ZHX2: variants seen among roughly 807,000 people sequenced by gnomAD.
The protein encoded by ZHX2 is zinc fingers and homeoboxes protein 2.
In ZHX2, 6 loss-of-function variants were observed where a neutral mutation model predicts 21.9. The ratio of observed to expected loss-of-function variants is 0.27; its 90% CI spans 0.15 to 0.54. The LOEUF is 0.54. Ranked by LOEUF, ZHX2 falls within the 20% of genes least tolerant of loss-of-function variation. The pLI, the probability that ZHX2 is intolerant of heterozygous loss-of-function variation, is 0.95. For synonymous variants in ZHX2, 434 were observed against 437.1 expected, an observed-to-expected ratio of 0.99 and a Z score of 0.09; for missense variants, 908 against 1,090.7, an observed-to-expected ratio of 0.83 and a Z score of 2.36.
chr8:122,825,694 T>C (rs182255564), intron 1 of ZHX2, among the ~76,000 whole-genome samples: 2 of 152,284 alleles, frequency 1.3e-5, no homozygotes, highest in Admixed American at 1.3e-4. Context: ...AAAATGGCTA[T>C]AATATTTGGT....
intron 2 of ZHX2, among the ~76,000 whole-genome samples, chr8:122,941,732 C>A (rs1012545718): frequency 6.6e-6 from 1 of 151,966 alleles, no homozygotes; most frequent in Non-Finnish European, 1.5e-5. Flanking sequence ...TCAGCCCAAC[C>A]AGTTCTGAAT....
chr8:122,787,924 C>T (rs1217907186), intron 1 of ZHX2, among the ~76,000 whole-genome samples: 1 of 152,178 alleles, frequency 6.6e-6, no homozygotes, highest in Non-Finnish European at 1.5e-5. Context: ...GCAGAGGTGA[C>T]CGTTTAAACC....
chr8:122,785,363 T>A (rs1051009152), intron 1 of ZHX2, among the ~76,000 whole-genome samples: 3 of 152,200 alleles, frequency 2.0e-5, no homozygotes, highest in Non-Finnish European at 2.9e-5. Flanking sequence ...CCAGACTACT[T>A]CTTTCTACAC....
chr8:122,811,393 A>G (rs1563738391), intron 1 of ZHX2, among the ~76,000 whole-genome samples: 1 of 152,160 alleles, frequency 6.6e-6, no homozygotes, highest in Non-Finnish European at 1.5e-5. Flanking sequence ...AAAATAATAA[A>G]ATAAAATAAA....
chr8:122,958,180 T>C (rs747722264), intron 3 of ZHX2, among the ~76,000 whole-genome samples: 1 of 152,194 alleles, frequency 6.6e-6, no homozygotes, highest in African/African-American at 2.4e-5. Context: ...ACCAAATCTC[T>C]CTAACCTCTG....
intron 1 of ZHX2, among the ~76,000 whole-genome samples, chr8:122,809,756 A>G (rs1489591858): frequency 6.6e-6 from 1 of 152,116 alleles, no homozygotes; most frequent in Non-Finnish European, 1.5e-5. Flanking sequence ...GTGAGTTCGA[A>G]TCATGGCTTT....
intron 1 of ZHX2, among the ~76,000 whole-genome samples, chr8:122,798,279 A>G (rs866150564): frequency 6.6e-6 from 1 of 152,190 alleles, no homozygotes; most frequent in Non-Finnish European, 1.5e-5. Context: ...AGCCCCTACT[A>G]TGTGTCAGGC....
intron 2 of ZHX2, among the ~76,000 whole-genome samples, chr8:122,921,735 T>C (rs1329201298): frequency 1.3e-5 from 2 of 152,114 alleles, no homozygotes; most frequent in Non-Finnish European, 1.5e-5. Context: ...GTGATAGATA[T>C]ATCAACTCAA....
In ZHX2 at chr8:122,953,799, G is replaced by A. The variant is rs1343824089; in HGVS notation, c.2289G>A (p.Lys763=). ...CAGCAAAAGACTGTTTGCCAGCAAA[G>A]CCCTCAGAGGCCACCTCAGACCGGT... The part of the protein sequence containing the change: ...SEPAKDCLPA[K]PSEATSDRSE... Residue 763 remains lysine, a synonymous_variant, in exon 3 of 4, where the codon AAG becomes AAA. Transcript: ENST00000314393. This position sits in a 1 kb window ranked among gnomAD's most constrained non-coding sequence, Gnocchi z 4.6. 2 of 1,614,268 alleles carry A rather than the reference G, an allele frequency of 1.2e-6. No individual in the cohort carries two copies. Among genetic ancestry groups the A allele is most frequent in the Admixed American group, 1.7e-5 (1 of 60,036 alleles).
At chr8:122,792,216 A>G (rs564741940) in intron 1 of ZHX2, among the ~76,000 whole-genome samples, 167 of 152,288 alleles carry the variant, frequency 1.1e-3, no homozygotes, top group African/African-American at 3.2e-3. Flanking sequence ...CCTTTTCTGC[A>G]CATTTTATAT....
At chr8:122,914,668 G>GA (rs1740255763) in intron 2 of ZHX2, among the ~76,000 whole-genome samples, 1 of 152,254 alleles carries the variant, frequency 6.6e-6, no homozygotes, top group Admixed American at 6.5e-5. Flanking sequence ...TTCAACAGTG[G>GA]ACTTCTATTT....
intron 2 of ZHX2, among the ~76,000 whole-genome samples, chr8:122,881,055 A>ACGCC (rs1442489314): frequency 1.3e-5 from 2 of 152,178 alleles, no homozygotes; most frequent in Admixed American, 1.3e-4. Flanking sequence ...CACTTGATTA[A>ACGCC]CGCCCATTGA....
At chr8:122,955,384 C>A (rs1813273842) in intron 3 of ZHX2, among the ~76,000 whole-genome samples, 1 of 152,118 alleles carries the variant, frequency 6.6e-6, no homozygotes, top group Admixed American at 6.5e-5. Context: ...AAGGTAAGAA[C>A]CTCCAGAATG....
intron 1 of ZHX2, among the ~76,000 whole-genome samples, chr8:122,803,144 A>T (rs1011361169): frequency 7.9e-5 from 12 of 152,084 alleles, no homozygotes; most frequent in Admixed American, 2.0e-4. Flanking sequence ...TGGGGACTCA[A>T]GTGAAAGCAG....
chr8:122,939,226 T>G (rs2130194734), intron 2 of ZHX2, among the ~76,000 whole-genome samples: 1 of 152,316 alleles, frequency 6.6e-6, no homozygotes, highest in African/African-American at 2.4e-5. Context: ...ATGGAAAGGC[T>G]GAGGCTTCAA....
chr8:122,877,051 C>T (rs186088432), intron 2 of ZHX2, among the ~76,000 whole-genome samples: 224 of 152,196 alleles, frequency 1.5e-3, no homozygotes, highest in Admixed American at 3.3e-3. Flanking sequence ...AGGACACATC[C>T]GAGATCCCCA....
intron 2 of ZHX2, among the ~76,000 whole-genome samples, chr8:122,944,129 GCCCT>G (rs1410037015): frequency 1.3e-5 from 2 of 152,120 alleles, no homozygotes; most frequent in Non-Finnish European, 2.9e-5. Flanking sequence ...CCCCTTTGAA[GCCCT>G]GCTTATCCAG....
At chr8:122,962,069 T>C (rs1325154782) in intron 3 of ZHX2, among the ~76,000 whole-genome samples, 1 of 152,188 alleles carries the variant, frequency 6.6e-6, no homozygotes, top group Non-Finnish European at 1.5e-5. Flanking sequence ...GAGCACTCAC[T>C]GTTCCAGGCC....
intron 2 of ZHX2, among the ~76,000 whole-genome samples, chr8:122,933,561 G>C (rs541606775): frequency 3.9e-5 from 6 of 152,056 alleles, no homozygotes; most frequent in African/African-American, 1.4e-4. Flanking sequence ...CACGGAGAAA[G>C]AATACTTTGC....
Sources: gnomAD v4.1 joint callset for allele counts (sites outside exome capture counted in the v4.1 genomes callset) on GRCh38, gnomAD v4.1.1 for gene constraint, Gnocchi (gnomAD v3.1) non-coding constraint, MANE v1.5 for transcripts, NCBI Gene and HGNC (gene_info 2026-07-23, HGNC 2026-07-21) for gene names.